The following PTPRD variants were observed in gnomAD, a reference collection of about 807,000 sequenced individuals.
PTPRD encodes protein tyrosine phosphatase receptor type D.
In PTPRD, 34 loss-of-function variants were observed where a neutral mutation model predicts 214.5. The observed-to-expected ratio is 0.16, with a 90% CI of 0.12 to 0.21. The LOEUF (loss-of-function observed/expected upper bound fraction) is 0.21. Among genes scored for constraint, PTPRD ranks in the 10% least tolerant of loss-of-function variants. PTPRD has a pLI of 1.00. For missense variants in PTPRD, 2,545 were observed against 2,398.7 expected (o/e 1.06, Z -1.27); for synonymous variants, 1,128 against 845.7 (o/e 1.33, Z -5.79).
At position 8,947,957 on chromosome 9, in the gene PTPRD, G is replaced by C. The variant is rs144049308; in HGVS notation, c.-104+70740C>G. ...TCATTGCATCGAGGTTCAGTGTGTT[G>C]CCTAACATCATACACTAGTAAGTTA... On this transcript the variant is annotated intron_variant, in intron 11 of 45. Coordinates refer to ENST00000381196, the MANE Select transcript of PTPRD (RefSeq NM_002839.4). Among the ~76,000 whole-genome samples, 198 of 151,142 alleles carry C rather than the reference G, an allele frequency of 1.3e-3. No homozygotes were observed. The Middle Eastern group carries it at 0.031, about 24-fold the overall frequency.
At chr9:9,213,826 C>G (rs1479065976) in intron 9 of PTPRD, among the ~76,000 whole-genome samples, 1 of 152,220 alleles carries the variant, frequency 6.6e-6, no homozygotes, top group Non-Finnish European at 1.5e-5. Flanking sequence ...TCATCTCTCT[C>G]TCTCTGACAA....
In PTPRD at chr9:9,105,652, CA is replaced by C. The variant is rs1389223691; in HGVS notation, c.-143+77651del. ...ACTAAGATCAGAATTTCCCATGGCACAAAACAAAACACTTGTATAATGATCT... is the reference window on the plus strand; with the variant it reads ...ACTAAGATCAGAATTTCCCATGGCACAAACAAAACACTTGTATAATGATCT... On this transcript the variant is annotated intron_variant, in intron 10 of 45. Coordinates refer to ENST00000381196, the MANE Select transcript of PTPRD (RefSeq NM_002839.4). 9.2e-5 allele frequency among the ~76,000 whole-genome samples: 14 copies of C among 152,116 alleles called. No individual in the cohort carries two copies. The East Asian group carries it at 2.7e-3, about 29-fold the overall frequency.
intron 27 of PTPRD, among the ~76,000 whole-genome samples, chr9:8,492,619 A>C (rs1379848388): frequency 7.7e-6 from 1 of 129,344 alleles, no homozygotes; most frequent in East Asian, 2.2e-4. Flanking sequence ...GTGCTCAAAA[A>C]AAAAAAAAAA....
intron 4 of PTPRD, among the ~76,000 whole-genome samples, chr9:9,991,815 G>A (rs375264025): frequency 1.5e-4 from 22 of 142,984 alleles, no homozygotes; most frequent in Non-Finnish European, 2.4e-4. Context: ...ACAAATGTGC[G>A]AGGGACTTCA....
At chr9:10,050,298 C>T (rs2097505352) in intron 3 of PTPRD, among the ~76,000 whole-genome samples, 1 of 151,496 alleles carries the variant, frequency 6.6e-6, no homozygotes, top group South Asian at 2.1e-4. Flanking sequence ...CGGTGGCTCA[C>T]CCTGTAATCC....
chr9:9,584,359 C>CATTATTATT (rs565638451), intron 7 of PTPRD, among the ~76,000 whole-genome samples: 227 of 149,212 alleles, frequency 1.5e-3, no homozygotes, highest in African/African-American at 5.3e-3. Flanking sequence ...ATTTCATCAC[C>CATTATTATT]ATTATTATTA....
At chr9:9,532,819 C>A (rs1231088665) in intron 8 of PTPRD, among the ~76,000 whole-genome samples, 1 of 152,154 alleles carries the variant, frequency 6.6e-6, no homozygotes, top group Non-Finnish European at 1.5e-5. Flanking sequence ...AAAGTACTTA[C>A]AACTGTCAAA....
intron 2 of PTPRD, among the ~76,000 whole-genome samples, chr9:10,458,063 A>G (rs1481516001): frequency 2.6e-5 from 4 of 152,048 alleles, no homozygotes; most frequent in Admixed American, 2.6e-4. Context: ...CATTAATTAA[A>G]AATCTCCCAG....
chr9:10,376,959 T>C (rs919792615), intron 2 of PTPRD, among the ~76,000 whole-genome samples: 1 of 152,036 alleles, frequency 6.6e-6, no homozygotes, highest in African/African-American at 2.4e-5. Context: ...TGTTATTGAC[T>C]ATAGTCACCC....
At chr9:9,389,346 A>G (rs893708013) in intron 9 of PTPRD, among the ~76,000 whole-genome samples, 25 of 152,194 alleles carry the variant, frequency 1.6e-4, no homozygotes, top group Middle Eastern at 3.4e-3. Flanking sequence ...TCCCATCTCT[A>G]CTAAAAATAC....
At chr9:10,395,571 T>G (rs1367958046) in intron 2 of PTPRD, among the ~76,000 whole-genome samples, 3 of 151,976 alleles carry the variant, frequency 2.0e-5, no homozygotes, top group Non-Finnish European at 4.4e-5. Flanking sequence ...AGATGATTAT[T>G]GACCACAAAG....
At chr9:9,679,134 A>AC (rs201356962) in intron 7 of PTPRD, among the ~76,000 whole-genome samples, 2 of 149,546 alleles carry the variant, frequency 1.3e-5, no homozygotes, top group East Asian at 3.9e-4. Context: ...AAAAAAAAAA[A>AC]CCTAGAAGAA....
intron 2 of PTPRD, among the ~76,000 whole-genome samples, chr9:10,501,633 G>T (rs1038723150): frequency 1.1e-4 from 16 of 151,854 alleles, no homozygotes; most frequent in Admixed American, 5.3e-4. Flanking sequence ...AACAACTTGG[G>T]GGAATTAGAC....
At chr9:10,430,816 C>A (rs927951286) in intron 2 of PTPRD, among the ~76,000 whole-genome samples, 1 of 151,838 alleles carries the variant, frequency 6.6e-6, no homozygotes, top group African/African-American at 2.4e-5. Flanking sequence ...GACCTGTCTT[C>A]CATAAGCCAT....
intron 12 of PTPRD, among the ~76,000 whole-genome samples, chr9:8,677,274 G>A (rs1440227100): frequency 6.6e-6 from 1 of 152,134 alleles, no homozygotes; most frequent in African/African-American, 2.4e-5. Context: ...CAACCTAAAT[G>A]TTCATCAACA....
chr9:8,706,453 A>C (rs1038147561), intron 12 of PTPRD, among the ~76,000 whole-genome samples: 1 of 152,194 alleles, frequency 6.6e-6, no homozygotes, highest in African/African-American at 2.4e-5. Flanking sequence ...ACAAGTGTTC[A>C]TGGTTTTGCC....
chr9:10,168,180 T>C (rs2099170878), intron 3 of PTPRD, among the ~76,000 whole-genome samples: 1 of 152,226 alleles, frequency 6.6e-6, no homozygotes. Context: ...ATTGTAGTTG[T>C]CACAATAAAT....
intron 6 of PTPRD, among the ~76,000 whole-genome samples, chr9:9,738,672 C>T (rs1289844914): frequency 6.6e-6 from 1 of 151,954 alleles, no homozygotes; most frequent in African/African-American, 2.4e-5. Context: ...GAACTCCTGA[C>T]CTCAAGTGAT....
chr9:9,443,750 T>C lies in PTPRD; in HGVS notation c.-236-46268A>G, dbSNP rs149763219. Among the ~76,000 whole-genome samples, 1,022 of 152,260 alleles carry C rather than the reference T, an allele frequency of 6.7e-3. 37 individuals carry two copies. In the East Asian group the frequency reaches 0.077, roughly 11 times the overall value. Reference sequence around the variant, plus strand: ...AGTCCACTCCAGTTCCCAACTGATCTAGTTGGCACCCATGGAATAGAAGTG... The same window carrying C: ...AGTCCACTCCAGTTCCCAACTGATCCAGTTGGCACCCATGGAATAGAAGTG... On this transcript the variant is annotated intron_variant, in intron 8 of 45. Transcript: ENST00000381196.
Sources: gnomAD v4.1 joint callset for allele counts (sites outside exome capture counted in the v4.1 genomes callset) on GRCh38, gnomAD v4.1.1 for gene constraint, MANE v1.5 for transcripts, NCBI Gene and HGNC (gene_info 2026-07-23, HGNC 2026-07-21) for gene names.